The following TUSC3 variants were observed in gnomAD, a reference collection of about 807,000 sequenced individuals.
The protein encoded by TUSC3 is dolichyl-diphosphooligosaccharide--protein glycosyltransferase subunit TUSC3.
Under a neutral mutation model 44.8 loss-of-function variants are expected in TUSC3, and 45 were observed. The ratio of observed to expected loss-of-function variants is 1.00; its 90% CI spans 0.79 to 1.29. The LOEUF (loss-of-function observed/expected upper bound fraction) is 1.29, where lower values mean the gene tolerates loss of function less well. Ranked by LOEUF, TUSC3 falls within the 50% of genes most tolerant of loss-of-function variation. The pLI, the probability that TUSC3 is intolerant of heterozygous loss-of-function variation, is 0.00. For synonymous variants in TUSC3, 212 were observed against 152.9 expected, an observed-to-expected ratio of 1.39 and a Z score of -2.85; for missense variants, 519 against 437.9, an observed-to-expected ratio of 1.19 and a Z score of -1.65.
At chr8:15,513,757 G>C (rs892274421) in intron 2 of TUSC3, among the ~76,000 whole-genome samples, 5 of 152,164 alleles carry the variant, frequency 3.3e-5, no homozygotes, top group African/African-American at 1.2e-4. Context: ...TCTGGGGACA[G>C]AGGAGGCGTC....
rs570769367 is a variant in TUSC3 at position 15,632,358 on chromosome 8, G to A, written c.308+9109G>A. On this transcript the variant is annotated intron_variant, in intron 2 of 10. Transcript: ENST00000503731. The stretch of plus-strand genomic sequence containing the variant: ...TTCTTCCTGATTATATTCAAGGGAA[G>A]AGTACTATAGCAGTTAGTTGGAATA... Among the ~76,000 whole-genome samples, 5 of 152,242 alleles carry A rather than the reference G, an allele frequency of 3.3e-5. No homozygotes were observed. The South Asian group carries it at 6.2e-4, about 19-fold the overall frequency.
chr8:15,492,697 G>T (rs943429636), intron 2 of TUSC3, among the ~76,000 whole-genome samples: 4 of 152,042 alleles, frequency 2.6e-5, no homozygotes, highest in African/African-American at 7.3e-5. Context: ...AGCTCTTAGG[G>T]AGGCAGAGGT....
At chr8:15,677,571 T>C (rs1261133949) in intron 6 of TUSC3, among the ~76,000 whole-genome samples, 7 of 152,238 alleles carry the variant, frequency 4.6e-5, no homozygotes, top group Non-Finnish European at 1.0e-4. Flanking sequence ...GAATTCTGCT[T>C]TTCTTAGTTT....
At chr8:15,662,375 C>G in intron 5 of TUSC3, 79 bp downstream of exon 5, 1 of 1,566,936 alleles carries the variant, frequency 6.4e-7, no homozygotes, top group South Asian at 1.1e-5. Flanking sequence ...ACAAAATGAG[C>G]CAGATATAAC....
chr8:15,504,367 A>G (rs966402326), intron 2 of TUSC3, among the ~76,000 whole-genome samples: 2 of 151,944 alleles, frequency 1.3e-5, no homozygotes, highest in African/African-American at 4.8e-5. Flanking sequence ...TTAGTCCATT[A>G]AACTACTGAG....
chr8:15,787,780 C>T, the TUSC3 span, among the ~76,000 whole-genome samples: 2 of 152,288 alleles, frequency 1.3e-5, no homozygotes, highest in Non-Finnish European at 1.5e-5. Flanking sequence ...ATATAACCTG[C>T]TTCCCAGAGG....
chr8:15,502,212 C>A (rs1483381587), intron 2 of TUSC3, among the ~76,000 whole-genome samples: 21 of 152,180 alleles, frequency 1.4e-4, no homozygotes, highest in Admixed American at 1.4e-3. Flanking sequence ...CAAGTTTTTG[C>A]TGAAGTCTAC....
intron 2 of TUSC3, among the ~76,000 whole-genome samples, chr8:15,526,323 C>T (rs1332778632): frequency 6.6e-6 from 1 of 152,124 alleles, no homozygotes; most frequent in Non-Finnish European, 1.5e-5. Context: ...TGAGCCACCG[C>T]GCCTGGCTAG....
At chr8:15,561,313 C>T (rs925918770) in intron 1 of TUSC3, among the ~76,000 whole-genome samples, 1 of 147,924 alleles carries the variant, frequency 6.8e-6, no homozygotes, top group Non-Finnish European at 1.5e-5. Flanking sequence ...AGTTCGGCTG[C>T]TAGGAGGTCA....
At chr8:15,743,484 A>G in intron 7 of TUSC3, 54 bp from the exon 8 acceptor site, 1 of 1,588,840 alleles carries the variant, frequency 6.3e-7, no homozygotes, top group Non-Finnish European at 8.6e-7. Context: ...AGCCAGAAAA[A>G]TTAATAGATT....
At chr8:15,494,688 A>T (rs116745364) in intron 2 of TUSC3, among the ~76,000 whole-genome samples, 2,900 of 152,304 alleles carry the variant, frequency 0.019, 97 homozygotes, top group African/African-American at 0.066. Flanking sequence ...TGTTATGTCA[A>T]TACCTGTAAT....
chr8:15,572,592 G>C (rs369729505), intron 1 of TUSC3, among the ~76,000 whole-genome samples: 26 of 152,174 alleles, frequency 1.7e-4, no homozygotes, highest in Admixed American at 3.9e-4. Context: ...TTCGGTGCAA[G>C]AGGTGTAGCT....
chr8:15,502,348 G>A (rs1359028072), intron 2 of TUSC3, among the ~76,000 whole-genome samples: 1 of 152,094 alleles, frequency 6.6e-6, no homozygotes, highest in Non-Finnish European at 1.5e-5. Context: ...TAGTCCATCT[G>A]TTCTATTCAC....
At chr8:15,633,444 A>G (rs1023848565) in intron 2 of TUSC3, among the ~76,000 whole-genome samples, 6 of 152,212 alleles carry the variant, frequency 3.9e-5, no homozygotes, top group Non-Finnish European at 8.8e-5. Context: ...GGTATTCTGC[A>G]TTCTTAACCC....
intron 1 of TUSC3, among the ~76,000 whole-genome samples, chr8:15,616,874 A>G (rs546147968): frequency 2.6e-5 from 4 of 152,100 alleles, no homozygotes; most frequent in Non-Finnish European, 4.4e-5. Context: ...GCCCAGCCAC[A>G]GGCCAAGCAT....
chr8:15,849,250 A>G, the TUSC3 span, among the ~76,000 whole-genome samples: 2 of 152,186 alleles, frequency 1.3e-5, no homozygotes, highest in Non-Finnish European at 2.9e-5. Flanking sequence ...GGTGTAACGT[A>G]TTCCACCTCT....
chr8:15,745,358 T>C (rs1811367617), intron 8 of TUSC3, among the ~76,000 whole-genome samples: 1 of 152,120 alleles, frequency 6.6e-6, no homozygotes, highest in Non-Finnish European at 1.5e-5. Flanking sequence ...GGTAGCACTG[T>C]GTTAAGTTTT....
rs116638945 is a variant in TUSC3 at position 15,757,497 on chromosome 8, A to G, written c.1029-294A>G. On this transcript the variant is annotated intron_variant, in intron 9 of 10. Transcript: ENST00000503731. ...CTTAAGCTGTACAAATAGAACAATAATATCTAAATGGTGTGATGATCAGCC... is the reference window on the plus strand; with the variant it reads ...CTTAAGCTGTACAAATAGAACAATAGTATCTAAATGGTGTGATGATCAGCC... 4.1e-3 allele frequency among the ~76,000 whole-genome samples: 631 copies of G among 152,302 alleles called. 5 individuals carry two copies. Among genetic ancestry groups the G allele is most frequent in the African/African-American group, 0.015 (606 of 41,570 alleles).
intron 4 of TUSC3, among the ~76,000 whole-genome samples, chr8:15,661,816 A>G (rs969220427): frequency 1.3e-5 from 2 of 151,978 alleles, no homozygotes; most frequent in African/African-American, 2.4e-5. Context: ...ATATATATAT[A>G]TACATGAGTC....
Sources: gnomAD v4.1 joint callset for allele counts (sites outside exome capture counted in the v4.1 genomes callset) on GRCh38, gnomAD v4.1.1 for gene constraint, MANE v1.5 for transcripts, NCBI Gene and HGNC (gene_info 2026-07-23, HGNC 2026-07-21) for gene names.